The following EDDM3A variants were observed in gnomAD, a reference collection of about 807,000 sequenced individuals.
EDDM3A encodes the protein epididymal protein 3A.
For missense variants in EDDM3A, 199 were observed against 177.4 expected, an observed-to-expected ratio of 1.12 and a Z score of -0.69; for synonymous variants, 75 against 60.4, an observed-to-expected ratio of 1.24 and a Z score of -1.12.
At chr14:20,741,931 G>A (rs908982180), upstream of EDDM3A, among the ~76,000 whole-genome samples, 9 of 152,144 alleles carry the variant, frequency 5.9e-5, no homozygotes, top group African/African-American at 2.2e-4. Flanking sequence ...AGTTTTAGAG[G>A]AGACCCTAAA....
rs1166146160 is a variant in EDDM3A, at chr14:20,748,001, A to C, written c.421A>C (p.Ile141Leu). 2 of 1,603,322 alleles carry C rather than the reference A, an allele frequency of 1.2e-6. No homozygotes were observed. The highest frequency in any genetic ancestry group is 1.7e-6 in the Non-Finnish European group (2 of 1,174,744). ...GYVDNIEDLR[I>L]IEPISN Reference sequence around the variant, plus strand: ...TGTTGATAACATAGAAGACCTGAGGATTATAGAACCTATCAGCAACTAGAA... The same window carrying C: ...TGTTGATAACATAGAAGACCTGAGGCTTATAGAACCTATCAGCAACTAGAA... The change falls in exon 2 of 2, where the codon ATT becomes CTT. Residue 141 changes from isoleucine (I) to leucine (L), a missense_variant. By Grantham distance (5) the Ile-to-Leu change is conservative. Transcript: ENST00000326842.
upstream of EDDM3A, among the ~76,000 whole-genome samples, chr14:20,744,892 C>G (rs1200134557): frequency 6.6e-6 from 1 of 152,166 alleles, no homozygotes; most frequent in African/African-American, 2.4e-5. Context: ...TATTCTTTCA[C>G]CTCTCAATGA....
intron 1 of EDDM3A, among the ~76,000 whole-genome samples, chr14:20,747,152 G>A (rs1420482014): frequency 7.1e-6 from 1 of 140,790 alleles, no homozygotes; most frequent in African/African-American, 2.7e-5. Context: ...CACCCAGGCC[G>A]GAGTGCAGAG....
chr14:20,738,481 A>G, the EDDM3A span, among the ~76,000 whole-genome samples: 2 of 116,346 alleles, frequency 1.7e-5, no homozygotes, highest in African/African-American at 6.2e-5. Context: ...AAATAAATAA[A>G]TAAATAAATA....
upstream of EDDM3A, among the ~76,000 whole-genome samples, chr14:20,743,685 G>T (rs1419747524): frequency 6.6e-6 from 1 of 151,974 alleles, no homozygotes; most frequent in Non-Finnish European, 1.5e-5. Context: ...GAAATCAAAA[G>T]TCACTGCCCA....
At chr14:20,743,965 A>C (rs1316290425), upstream of EDDM3A, among the ~76,000 whole-genome samples, 1 of 152,084 alleles carries the variant, frequency 6.6e-6, no homozygotes, top group Non-Finnish European at 1.5e-5. Flanking sequence ...TAAAAGTGGA[A>C]TATCAAGTAT....
chr14:20,747,076 T>C (rs1266753739), intron 1 of EDDM3A, among the ~76,000 whole-genome samples: 1 of 151,580 alleles, frequency 6.6e-6, no homozygotes, highest in Non-Finnish European at 1.5e-5. Context: ...GGCTAAAGCA[T>C]ATTTTTAGTT....
upstream of EDDM3A, among the ~76,000 whole-genome samples, chr14:20,741,312 A>G (rs1877428803): frequency 6.6e-6 from 1 of 152,252 alleles, no homozygotes; most frequent in African/African-American, 2.4e-5. Context: ...GACATTTATT[A>G]GCCAGAGTGT....
chr14:20,739,463 C>T, the EDDM3A span, among the ~76,000 whole-genome samples: 6,268 of 152,248 alleles, frequency 0.041, 172 homozygotes, highest in Middle Eastern at 0.095. Flanking sequence ...TCCACTAAGG[C>T]TTGCAGTCCC....
the EDDM3A span, among the ~76,000 whole-genome samples, chr14:20,736,697 A>T: frequency 6.6e-6 from 1 of 151,894 alleles, no homozygotes; most frequent in East Asian, 1.9e-4. Flanking sequence ...GGAGATGGGG[A>T]TTTCTTTTAT....
At chr14:20,736,491 T>C in the EDDM3A span, among the ~76,000 whole-genome samples, 1 of 150,704 alleles carries the variant, frequency 6.6e-6, no homozygotes, top group African/African-American at 2.4e-5. Context: ...GGTGGTAACA[T>C]GCTTAGTTCC....
chr14:20,740,662 T>C, the EDDM3A span, among the ~76,000 whole-genome samples: 5,863 of 152,108 alleles, frequency 0.039, 390 homozygotes, highest in African/African-American at 0.13. Flanking sequence ...TGTTTTGTTT[T>C]GTTTGTTTGC....
chr14:20,741,695 C>T (rs1397721013), upstream of EDDM3A, among the ~76,000 whole-genome samples: 2 of 152,166 alleles, frequency 1.3e-5, no homozygotes, highest in African/African-American at 4.8e-5. Context: ...CCTGAAATAT[C>T]TCAGGGATCT....
rs780293999 is a variant in EDDM3A at position 20,747,993 on chromosome 14, A to G, written c.413A>G (p.Asp138Gly). The part of the protein sequence containing the change: ...GVDGYVDNIE[D>G]LRIIEPISN ...GATGGATATGTTGATAACATAGAAG[A>G]CCTGAGGATTATAGAACCTATCAGC... The change falls in exon 2 of 2, where the codon GAC becomes GGC. Residue 138 changes from aspartate to glycine, a missense_variant. Asp to Gly is a moderately conservative substitution (Grantham distance 94). Transcript: ENST00000326842. 7 of 1,610,210 alleles carry G rather than the reference A, an allele frequency of 4.3e-6. No individual in the cohort carries two copies. The South Asian group carries it at 7.7e-5, about 18-fold the overall frequency.
At chr14:20,742,924 G>C (rs372537883), upstream of EDDM3A, among the ~76,000 whole-genome samples, 3 of 151,836 alleles carry the variant, frequency 2.0e-5, no homozygotes, top group Admixed American at 2.0e-4. Flanking sequence ...GTAGAGATAG[G>C]GTTTCTCCCT....
Position 20,747,857 on chromosome 14 carries a change from T to G in EDDM3A, c.277T>G (p.Tyr93Asp), listed in dbSNP as rs749868875. ...GGGGAGCGACCGATATAGAAATGCATATGTATGGGCCCCAGGTGCCCTCAA... is the reference window on the plus strand; with the variant it reads ...GGGGAGCGACCGATATAGAAATGCAGATGTATGGGCCCCAGGTGCCCTCAA... Reference protein sequence around the residue: ...EKGSDRYRNAYVWAPGALKVL... With the variant: ...EKGSDRYRNADVWAPGALKVL... The change falls in exon 2 of 2, where the codon TAT becomes GAT. Residue 93 changes from tyrosine to aspartate, a missense_variant. Physicochemically the swap from Tyr to Asp is radical, Grantham distance 160. Coordinates refer to ENST00000326842, the MANE Select transcript of EDDM3A (RefSeq NM_006683.5). 6.2e-7 allele frequency: 1 copy of G among 1,614,136 alleles called. No homozygotes were observed. The highest frequency in any genetic ancestry group is 8.5e-7 in the Non-Finnish European group (1 of 1,180,014).
At chr14:20,746,290 C>T (rs564245429) in intron 1 of EDDM3A, among the ~76,000 whole-genome samples, 1 of 152,162 alleles carries the variant, frequency 6.6e-6, no homozygotes, top group Admixed American at 6.5e-5. Context: ...CTGATGTGGG[C>T]ATTTGACATC....
upstream of EDDM3A, among the ~76,000 whole-genome samples, chr14:20,741,002 T>G (rs74034394): frequency 0.045 from 6,856 of 152,256 alleles, 530 homozygotes; most frequent in African/African-American, 0.16. Context: ...CTCTATTTCT[T>G]ATTTATAAAA....
the EDDM3A span, among the ~76,000 whole-genome samples, chr14:20,738,014 GC>G: frequency 6.6e-6 from 1 of 152,170 alleles, no homozygotes; most frequent in South Asian, 2.1e-4. Flanking sequence ...AGGTGACTGC[GC>G]ACTTTTTTAG....
Sources: gnomAD v4.1 joint callset for allele counts (sites outside exome capture counted in the v4.1 genomes callset) on GRCh38, gnomAD v4.1.1 for gene constraint, MANE v1.5 for transcripts, NCBI Gene and HGNC (gene_info 2026-07-23, HGNC 2026-07-21) for gene names.